BRINP3: variants seen among roughly 807,000 people sequenced by gnomAD.
BRINP3 encodes BMP/retinoic acid inducible neural specific 3, also known as BMP/retinoic acid-inducible neural-specific protein 3.
In BRINP3, 19 loss-of-function variants were observed where a neutral mutation model predicts 71.0. The ratio of observed to expected loss-of-function variants is 0.27; its 90% CI spans 0.19 to 0.39. BRINP3 has a LOEUF of 0.39. Among genes scored for constraint, BRINP3 ranks in the 10% least tolerant of loss-of-function variants. BRINP3 has a pLI of 1.00. For missense variants in BRINP3, 959 were observed against 940.8 expected (o/e 1.02, Z -0.25); for synonymous variants, 380 against 337.7 (o/e 1.13, Z -1.37).
At chr1:190,369,370 C>A (rs1669712417) in intron 2 of BRINP3, among the ~76,000 whole-genome samples, 1 of 151,876 alleles carries the variant, frequency 6.6e-6, no homozygotes, top group East Asian at 1.9e-4. Context: ...CTTAACATTC[C>A]AAATTTCATT....
intron 2 of BRINP3, among the ~76,000 whole-genome samples, chr1:190,285,733 T>A (rs891848716): frequency 6.6e-6 from 1 of 151,966 alleles, no homozygotes; most frequent in Non-Finnish European, 1.5e-5. Context: ...TGTTTTTTTT[T>A]TCCTTGTTTC....
intron 2 of BRINP3, among the ~76,000 whole-genome samples, chr1:190,301,276 G>A: frequency 7.7e-6 from 1 of 130,266 alleles, no homozygotes; most frequent in Non-Finnish European, 1.6e-5. Context: ...CAGTCCACTG[G>A]GGTCAATATT....
At chr1:190,264,720 A>T in intron 4 of BRINP3, 145 bp downstream of exon 4, 2 of 602,408 alleles carry the variant, frequency 3.3e-6, no homozygotes, top group Non-Finnish European at 5.3e-6. Flanking sequence ...AATATATTAC[A>T]TAACTGAAAG....
chr1:190,119,345 C>T (rs1653429991), intron 7 of BRINP3, among the ~76,000 whole-genome samples: 1 of 152,024 alleles, frequency 6.6e-6, no homozygotes, highest in Non-Finnish European at 1.5e-5. Context: ...GGCACGATCT[C>T]GGCTCACTGC....
intron 4 of BRINP3, among the ~76,000 whole-genome samples, chr1:190,247,969 C>A (rs763724155): frequency 4.6e-5 from 7 of 151,886 alleles, no homozygotes; most frequent in Non-Finnish European, 7.4e-5. Context: ...GTCATTTGTA[C>A]CTTGAGCCAC....
At chr1:190,128,891 T>C (rs1359613116) in intron 7 of BRINP3, among the ~76,000 whole-genome samples, 2 of 151,698 alleles carry the variant, frequency 1.3e-5, no homozygotes, top group Non-Finnish European at 3.0e-5. Context: ...TGACTTACAC[T>C]AGATCAAAAA....
chr1:190,178,733 CCA>C (rs1652776156), intron 6 of BRINP3, among the ~76,000 whole-genome samples: 1 of 151,730 alleles, frequency 6.6e-6, no homozygotes, highest in African/African-American at 2.4e-5. Context: ...ATACAGGCAA[CCA>C]CTATAGAGAT....
chr1:190,404,486 T>A (rs143885848), intron 2 of BRINP3, among the ~76,000 whole-genome samples: 1 of 152,320 alleles, frequency 6.6e-6, no homozygotes, highest in East Asian at 1.9e-4. Context: ...TTTACTTTGC[T>A]TAAAGATGAA....
intron 2 of BRINP3, among the ~76,000 whole-genome samples, chr1:190,320,787 C>G (rs1005224343): frequency 2.6e-5 from 4 of 151,898 alleles, no homozygotes; most frequent in African/African-American, 9.7e-5. Context: ...TAGATAAAAC[C>G]CATGCAGATA....
At chr1:190,428,527 T>A (rs1287378891) in intron 2 of BRINP3, among the ~76,000 whole-genome samples, 1 of 152,088 alleles carries the variant, frequency 6.6e-6, no homozygotes, top group Non-Finnish European at 1.5e-5. Flanking sequence ...GAAATTTCTA[T>A]CTTGTTTGTG....
rs1258470841 is a variant in BRINP3 at position 190,238,037 on chromosome 1, G to A, written c.619-3560C>T. On this transcript the variant is annotated intron_variant, in intron 4 of 7. Transcript: ENST00000367462. ...TCAGGAGTTGAGGTGGGGGAGTAGTGAAATTTGTTACTGATACCTGCATCT... is the reference window on the plus strand; with the variant it reads ...TCAGGAGTTGAGGTGGGGGAGTAGTAAAATTTGTTACTGATACCTGCATCT... 2.6e-5 allele frequency among the ~76,000 whole-genome samples: 4 copies of A among 152,100 alleles called. No homozygotes were observed. The East Asian group carries it at 7.7e-4, about 29-fold the overall frequency.
intron 6 of BRINP3, among the ~76,000 whole-genome samples, chr1:190,209,765 T>C (rs535157795): frequency 1.3e-5 from 2 of 152,282 alleles, no homozygotes; most frequent in Admixed American, 6.5e-5. Flanking sequence ...AGTTCAGTCA[T>C]GCATCCAAAA....
At chr1:190,184,623 C>T (rs147313193) in intron 6 of BRINP3, among the ~76,000 whole-genome samples, 33 of 151,966 alleles carry the variant, frequency 2.2e-4, no homozygotes, top group African/African-American at 5.1e-4. Flanking sequence ...AGCAAATTAA[C>T]GCAAAAACAG....
Position 190,432,576 on chromosome 1 carries a change from G to A in BRINP3, c.236+22079C>T, listed in dbSNP as rs886799474. On this transcript the variant is annotated intron_variant, in intron 2 of 7. Transcript: ENST00000367462. ...TCAGCATAAAAGAACATGGCATTTC[G>A]GGGCTGATACTTTTTGAACAAGATA... Among the ~76,000 whole-genome samples, 15 of 152,216 alleles carry A rather than the reference G, an allele frequency of 9.9e-5. No homozygotes were observed. The East Asian group carries it at 2.1e-3, about 22-fold the overall frequency.
At chr1:190,149,381 T>A (rs1486400460) in intron 7 of BRINP3, among the ~76,000 whole-genome samples, 1 of 152,224 alleles carries the variant, frequency 6.6e-6, no homozygotes, top group Non-Finnish European at 1.5e-5. Context: ...GCGGTTTATC[T>A]TTCAAAATAT....
intron 7 of BRINP3, among the ~76,000 whole-genome samples, chr1:190,153,005 C>A: frequency 6.6e-6 from 1 of 152,004 alleles, no homozygotes; most frequent in East Asian, 1.9e-4. Context: ...AAAAATAAAA[C>A]CAAGGCCATT....
chr1:190,418,923 A>G (rs13374312), intron 2 of BRINP3, among the ~76,000 whole-genome samples: 19,765 of 152,108 alleles, frequency 0.13, 1,385 homozygotes, highest in Non-Finnish European at 0.13. Context: ...CTGAGCTTTT[A>G]TATTTACTAA....
At chr1:190,407,476 A>T (rs893813409) in intron 2 of BRINP3, among the ~76,000 whole-genome samples, 3 of 152,162 alleles carry the variant, frequency 2.0e-5, no homozygotes, top group Non-Finnish European at 2.9e-5. Flanking sequence ...TCAGTCAATG[A>T]TACTGACACT....
At chr1:190,416,647 G>A (rs187110707) in intron 2 of BRINP3, among the ~76,000 whole-genome samples, 1 of 152,206 alleles carries the variant, frequency 6.6e-6, no homozygotes, top group African/African-American at 2.4e-5. Flanking sequence ...AAGTAATAAT[G>A]ATGTAAGCAT....
Sources: allele counts gnomAD v4.1 joint callset (sites outside exome capture counted in the v4.1 genomes callset), GRCh38; gene constraint gnomAD v4.1.1; transcripts MANE v1.5; gene names NCBI Gene and HGNC (gene_info 2026-07-23, HGNC 2026-07-21).